NAV3: variants seen among roughly 807,000 people sequenced by gnomAD.
NAV3 encodes neuron navigator 3, also known as pore membrane and/or filament interacting like protein 1.
Under a neutral mutation model 244.7 loss-of-function variants are expected in NAV3, and 87 were observed. That is an observed-to-expected ratio of 0.36 (90% CI 0.30 to 0.42). The LOEUF (loss-of-function observed/expected upper bound fraction) is 0.42. NAV3 is among the 20% of genes least tolerant of loss of function. NAV3 has a pLI of 1.00. For synonymous variants in NAV3, 1,126 were observed against 1,042.2 expected (o/e 1.08, Z -1.55); for missense variants, 2,663 against 2,893.3 (o/e 0.92, Z 1.83).
At chr12:77,858,890 G>T (rs1027721642) in intron 1 of NAV3, among the ~76,000 whole-genome samples, 1 of 152,088 alleles carries the variant, frequency 6.6e-6, no homozygotes, top group Non-Finnish European at 1.5e-5. Context: ...GCTTAGCAGA[G>T]AAGTTGCCTT....
intron 12 of NAV3, among the ~76,000 whole-genome samples, chr12:78,073,892 A>C (rs898759823): frequency 3.9e-5 from 6 of 152,204 alleles, no homozygotes; most frequent in Admixed American, 1.3e-4. Context: ...ATTTCAATTT[A>C]ATACTAAATT....
At chr12:77,764,729 T>C (rs1190855960) in intron 2 of NAV3, among the ~76,000 whole-genome samples, 1 of 152,258 alleles carries the variant, frequency 6.6e-6, no homozygotes, top group Non-Finnish European at 1.5e-5. Context: ...TTTTACTCTC[T>C]TGTAGGAGAT....
chr12:77,873,679 G>GTGTATATATATATATATATA (rs540390004), intron 1 of NAV3, among the ~76,000 whole-genome samples: 1 of 107,292 alleles, frequency 9.3e-6, no homozygotes, highest in Non-Finnish European at 1.9e-5. Flanking sequence ...ATTTGTATGT[G>GTGTATATATATATATATATA]TATATATATA....
intron 1 of NAV3, among the ~76,000 whole-genome samples, chr12:77,833,692 G>A (rs1021598189): frequency 6.6e-6 from 1 of 152,176 alleles, no homozygotes; most frequent in Non-Finnish European, 1.5e-5. Context: ...CTGTATTCTG[G>A]GTTCTCGCCT....
At chr12:78,119,192 T>G in intron 14 of NAV3, 45 bp from the exon 15 acceptor site, 1 of 1,524,218 alleles carries the variant, frequency 6.6e-7, no homozygotes. Flanking sequence ...TGTGGTGATA[T>G]CAAACTCTAC....
rs1324765703 is a variant in NAV3 at position 78,212,598 on chromosome 12, T to C, written c.*2081T>C. On this transcript the variant is annotated 3_prime_UTR_variant, in exon 40 of 40. Transcript: ENST00000397909. Reference sequence around the variant, plus strand: ...TGAGTGACTAGTTTCCCTTGTATAATATGTGATCTAAGAAAATTGCTAATC... The same window carrying C: ...TGAGTGACTAGTTTCCCTTGTATAACATGTGATCTAAGAAAATTGCTAATC... 2.0e-5 allele frequency: 3 copies of C among 152,608 alleles called. No homozygotes were observed. The highest frequency in any genetic ancestry group is 7.2e-5 in the African/African-American group (3 of 41,448). 9.5% of individuals were successfully genotyped at this position (152,608 alleles called of 1,614,324 possible).
intron 5 of NAV3, among the ~76,000 whole-genome samples, chr12:77,988,138 A>G (rs1435051153): frequency 6.6e-6 from 1 of 152,162 alleles, no homozygotes; most frequent in Non-Finnish European, 1.5e-5. Flanking sequence ...AGTATCTCCA[A>G]TGTTATTATG....
Position 77,603,579 on chromosome 12 carries a change from G to A in NAV3, c.72+31313G>A, listed in dbSNP as rs1994669. On this transcript the variant is annotated intron_variant, in intron 2 of 8. Coordinates refer to the NAV3 transcript ENST00000550042. ...AGTAGAAGCCAGAGGATCATAATTT[G>A]TGGAATAATGCACCTTGATCTATGG... Among the ~76,000 whole-genome samples, 32 of 152,190 alleles carry A rather than the reference G, an allele frequency of 2.1e-4. No individual in the cohort carries two copies. In the East Asian group the frequency reaches 3.1e-3, roughly 15 times the overall value.
chr12:77,814,279 C>T (rs1565824203), intron 2 of NAV3, among the ~76,000 whole-genome samples: 2 of 152,072 alleles, frequency 1.3e-5, no homozygotes, highest in Non-Finnish European at 2.9e-5. Context: ...ATACAACATC[C>T]CAACATCTCC....
chr12:77,585,787 G>A (rs1026146652), intron 2 of NAV3, among the ~76,000 whole-genome samples: 2 of 152,216 alleles, frequency 1.3e-5, no homozygotes, highest in South Asian at 2.1e-4. Flanking sequence ...CAGCCTGGGG[G>A]TTGGGCACCC....
At chr12:77,761,546 C>T (rs762733259) in intron 2 of NAV3, among the ~76,000 whole-genome samples, 6 of 152,072 alleles carry the variant, frequency 3.9e-5, no homozygotes, top group Non-Finnish European at 8.8e-5. Context: ...AGGATAATAT[C>T]CAGAATCTGC....
chr12:77,599,627 G>A (rs1036980572), intron 2 of NAV3, among the ~76,000 whole-genome samples: 8 of 151,672 alleles, frequency 5.3e-5, no homozygotes, highest in African/African-American at 1.9e-4. Context: ...ATATATATAT[G>A]TGTGATATAT....
At chr12:78,202,494 AATATTAT>A (rs1959818310) in intron 38 of NAV3, among the ~76,000 whole-genome samples, 1 of 152,024 alleles carries the variant, frequency 6.6e-6, no homozygotes, top group Non-Finnish European at 1.5e-5. Flanking sequence ...TATTTAAATT[AATATTAT>A]TTATAGAACA....
At chr12:77,911,930 C>G (rs1886635337) in intron 1 of NAV3, among the ~76,000 whole-genome samples, 1 of 151,988 alleles carries the variant, frequency 6.6e-6, no homozygotes, top group African/African-American at 2.4e-5. Flanking sequence ...TCAAACAGTT[C>G]TATGTTTAAA....
At chr12:77,820,042 G>C (rs957887198) in intron 2 of NAV3, among the ~76,000 whole-genome samples, 1 of 152,026 alleles carries the variant, frequency 6.6e-6, no homozygotes, top group African/African-American at 2.4e-5. Flanking sequence ...ATTGGCTAAA[G>C]AAAATGGACA....
At chr12:78,000,725 G>A (rs187843176) in intron 7 of NAV3, among the ~76,000 whole-genome samples, 17,128 of 148,370 alleles carry the variant, frequency 0.12, 1,147 homozygotes, top group South Asian at 0.15. Flanking sequence ...GGATGGTCTC[G>A]ATCTCCTGAC....
intron 12 of NAV3, among the ~76,000 whole-genome samples, chr12:78,066,397 G>C (rs757136162): frequency 2.0e-5 from 3 of 152,084 alleles, no homozygotes; most frequent in Non-Finnish European, 4.4e-5. Flanking sequence ...TACTGAAGTA[G>C]AATGATAATA....
intron 8 of NAV3, among the ~76,000 whole-genome samples, chr12:78,018,004 G>A (rs776644559): frequency 5.9e-5 from 9 of 152,234 alleles, no homozygotes; most frequent in Non-Finnish European, 1.2e-4. Flanking sequence ...ATTTCCATGT[G>A]AATATAAAGC....
chr12:77,958,176 G>A (rs1412428066), intron 3 of NAV3, among the ~76,000 whole-genome samples: 2 of 152,100 alleles, frequency 1.3e-5, no homozygotes, highest in Non-Finnish European at 1.5e-5. Flanking sequence ...GTATGTAAGG[G>A]TCAGTATAAA....
Sources: gnomAD v4.1 joint callset for allele counts (sites outside exome capture counted in the v4.1 genomes callset) on GRCh38, gnomAD v4.1.1 for gene constraint, MANE v1.5 for transcripts, NCBI Gene and HGNC (gene_info 2026-07-23, HGNC 2026-07-21) for gene names.